The following GNRH1 variants were observed in gnomAD, a reference collection of about 807,000 sequenced individuals.
GNRH1 encodes progonadoliberin-1.
In GNRH1, 9 loss-of-function variants were observed where a neutral mutation model predicts 13.6. The ratio of observed to expected loss-of-function variants is 0.66; its 90% CI spans 0.40 to 1.15. The LOEUF (loss-of-function observed/expected upper bound fraction) is 1.15. Ranked by LOEUF, GNRH1 falls within the 50% of genes most tolerant of loss-of-function variation. The pLI is 0.01. For synonymous variants in GNRH1, 44 were observed against 40.1 expected (o/e 1.10, Z -0.37); for missense variants, 116 against 110.8 (o/e 1.05, Z -0.21).
At chr8:25,422,954 G>T (rs964348189) in intron 2 of GNRH1, among the ~76,000 whole-genome samples, 2 of 152,082 alleles carry the variant, frequency 1.3e-5, no homozygotes, top group African/African-American at 2.4e-5. Context: ...AGTATGACGT[G>T]CTGTCTCACA....
upstream of GNRH1, chr8:25,424,442 T>A (rs1253488870): frequency 6.6e-6 from 1 of 152,048 alleles, no homozygotes; most frequent in Non-Finnish European, 1.5e-5. Context: ...CTGGTATATC[T>A]GTTAGATTTA....
intron 3 of GNRH1, among the ~76,000 whole-genome samples, chr8:25,419,744 C>G (rs1185177556): frequency 6.6e-6 from 1 of 151,824 alleles, no homozygotes; most frequent in African/African-American, 2.4e-5. Context: ...GCCTCAGCCT[C>G]TCTAGTAGTT....
At chr8:25,420,908 T>A (rs1293319750) in intron 3 of GNRH1, among the ~76,000 whole-genome samples, 1 of 152,170 alleles carries the variant, frequency 6.6e-6, no homozygotes, top group Non-Finnish European at 1.5e-5. Context: ...ATAATTTTTT[T>A]AAAAGATTCA....
In GNRH1 at chr8:25,423,093, C is replaced by T. The variant is rs4871940; in HGVS notation, c.141+97G>A. 4.3e-3 allele frequency: 4,007 copies of T among 942,072 alleles called. 143 individuals carry two copies. The East Asian group carries it at 0.079, about 18-fold the overall frequency. 58.4% of individuals were successfully genotyped at this position (942,072 alleles called of 1,614,324 possible). On this transcript the variant is annotated intron_variant, in intron 2 of 3. Transcript: ENST00000421054. ...CTCACCTGGAGCATCTAGGGTACAA[C>T]ATCATAGAATATTGACATTGGGGCT...
chr8:25,419,616 G>A (rs1305253054), intron 3 of GNRH1, among the ~76,000 whole-genome samples, 156 bp from the exon 4 acceptor site: 1 of 149,202 alleles, frequency 6.7e-6, no homozygotes, highest in South Asian at 2.1e-4. Context: ...AATTGGGTTT[G>A]TTTTTCTGGT....
At chr8:25,422,905 C>T (rs1199006891) in intron 2 of GNRH1, among the ~76,000 whole-genome samples, 1 of 152,152 alleles carries the variant, frequency 6.6e-6, no homozygotes, top group Non-Finnish European at 1.5e-5. Flanking sequence ...TGACCCTATC[C>T]CATTGTTTCT....
At chr8:25,421,855 G>A (rs1243386126) in intron 2 of GNRH1, among the ~76,000 whole-genome samples, 187 bp from the exon 3 acceptor site, 1 of 151,980 alleles carries the variant, frequency 6.6e-6, no homozygotes, top group Non-Finnish European at 1.5e-5. Context: ...TCTACTGAAT[G>A]GCATGGGGAT....
rs769958857 is a variant in GNRH1, at chr8:25,423,270, A to G, written c.61T>C (p.Cys21Arg). ...LILLTWCVEG[C>R]SSQHWSYGLR... ...CCATAGGACCAGTGCTGGCTGGAGC[A>G]GCCTTCCACGCACCAAGTCAGTAGA... The change falls in exon 2 of 4, where the codon TGC (cysteine) becomes CGC (arginine). Residue 21 changes from cysteine to arginine, a missense_variant. Coordinates refer to ENST00000421054, the MANE Select transcript of GNRH1 (RefSeq NM_001083111.2). 2 of 1,611,706 alleles carry G rather than the reference A, an allele frequency of 1.2e-6. No individual in the cohort carries two copies. The highest frequency in any genetic ancestry group is 4.5e-5 in the East Asian group (2 of 44,880).
upstream of GNRH1, chr8:25,424,697 C>T (rs1205600640): frequency 1.3e-5 from 2 of 152,172 alleles, no homozygotes; most frequent in Non-Finnish European, 2.9e-5. Flanking sequence ...TTGGATTCTT[C>T]ATTTGTAAAA....
At chr8:25,424,517 T>G, upstream of GNRH1, 1 of 152,156 alleles carries the variant, frequency 6.6e-6, no homozygotes, top group East Asian at 1.9e-4. Context: ...TCAAAGAGAT[T>G]AAAATCCAGC....
intron 3 of GNRH1, among the ~76,000 whole-genome samples, chr8:25,420,967 G>C (rs934039501): frequency 1.3e-5 from 2 of 152,070 alleles, no homozygotes; most frequent in African/African-American, 4.8e-5. Context: ...AACCTAATAT[G>C]ATTAGTGTAT....
chr8:25,424,216 G>C lies in GNRH1; in HGVS notation c.-17C>G, dbSNP rs553330929. 2.6e-5 allele frequency: 4 copies of C among 152,198 alleles called. No individual in the cohort carries two copies. Among genetic ancestry groups the C allele is most frequent in the Non-Finnish European group, 5.9e-5 (4 of 68,046 alleles). 9.4% of individuals were successfully genotyped at this position (152,198 alleles called of 1,614,324 possible). On this transcript the variant is annotated 5_prime_UTR_variant, in exon 1 of 4. Transcript: ENST00000421054. ...AGCCTTTTACCTGTTTAGAGGCAGA[G>C]AGCCAAAAAGATCCCAATCTTCCCT...
intron 1 of GNRH1, chr8:25,423,588 T>C (rs1936490435): frequency 2.0e-6 from 1 of 492,542 alleles, no homozygotes; most frequent in African/African-American, 1.9e-5. Flanking sequence ...TCTATACTTT[T>C]ATTTTTATTG....
rs748696308 is a variant in GNRH1, at chr8:25,419,468, A to G, written c.238-8T>C. On this transcript the variant is annotated splice_polypyrimidine_tract_variant and splice_region_variant and intron_variant, in intron 3 of 3. Transcript: ENST00000421054. ...CTCTTCAATCAGACTTTCCTGAAAA[A>G]TATATAACAAATATATCAAGACTGA... The G allele has an allele frequency of 1.4e-5, 19 of 1,333,420 alleles. No individual in the cohort carries two copies. Among genetic ancestry groups the G allele is most frequent in the Non-Finnish European group, 1.8e-5 (17 of 924,072 alleles). The allele number at this position is 1,333,420 out of a possible 1,614,324, so 82.6% of individuals were successfully genotyped here. A position where few individuals can be genotyped will look rare whatever the true frequency, so the allele number is the denominator to read the frequency against.
chr8:25,419,558 T>C (rs2117365408), intron 3 of GNRH1, 98 bp from the exon 4 acceptor site: 1 of 759,070 alleles, frequency 1.3e-6, no homozygotes. Flanking sequence ...CTGGAAGGAA[T>C]TGGTCTGTTT....
chr8:25,422,127 T>A (rs1801782019), intron 2 of GNRH1, among the ~76,000 whole-genome samples: 1 of 152,228 alleles, frequency 6.6e-6, no homozygotes, highest in Non-Finnish European at 1.5e-5. Context: ...CTAAATTATC[T>A]TTATTATTTC....
chr8:25,420,797 T>C (rs140989714), intron 3 of GNRH1, among the ~76,000 whole-genome samples: 22 of 152,214 alleles, frequency 1.4e-4, no homozygotes, highest in African/African-American at 5.3e-4. Context: ...GCTAATCTAG[T>C]CTCCAGAATT....
At chr8:25,419,713 C>T (rs1213727203) in intron 3 of GNRH1, among the ~76,000 whole-genome samples, 1 of 151,798 alleles carries the variant, frequency 6.6e-6, no homozygotes, top group African/African-American at 2.4e-5. Context: ...CCTCCACCTT[C>T]CAGGTTCAAA....
intron 1 of GNRH1, chr8:25,423,544 TCA>T: frequency 3.4e-6 from 2 of 591,934 alleles, no homozygotes; most frequent in Non-Finnish European, 6.0e-6. Flanking sequence ...GTACTTAAGC[TCA>T]CATGTTCAGG....
Sources: allele counts gnomAD v4.1 joint callset (sites outside exome capture counted in the v4.1 genomes callset), GRCh38; gene constraint gnomAD v4.1.1; transcripts MANE v1.5; gene names NCBI Gene and HGNC (gene_info 2026-07-23, HGNC 2026-07-21).